THNSL1: variants seen among roughly 807,000 people sequenced by gnomAD.
The protein encoded by THNSL1 is threonine synthase like 1.
In THNSL1, 48 loss-of-function variants were observed where a neutral mutation model predicts 50.4. The ratio of observed to expected loss-of-function variants is 0.95; its 90% CI spans 0.76 to 1.21. The LOEUF (loss-of-function observed/expected upper bound fraction) is 1.21. THNSL1 is among the 50% of genes most tolerant of loss of function. The probability of loss-of-function intolerance (pLI) is 0.00; values close to 1 mark genes in which losing one functional copy is unlikely to be tolerated. For synonymous variants in THNSL1, 309 were observed against 306.1 expected (o/e 1.01, Z -0.10); for missense variants, 896 against 871.7 (o/e 1.03, Z -0.35).
the THNSL1 span, among the ~76,000 whole-genome samples, chr10:25,003,794 A>T: frequency 2.6e-5 from 4 of 152,094 alleles, no homozygotes; most frequent in Admixed American, 2.0e-4. Context: ...CCTAGTACTC[A>T]TTACTTGTTT....
the THNSL1 span, among the ~76,000 whole-genome samples, chr10:24,959,352 A>C: frequency 1.3e-5 from 2 of 152,216 alleles, no homozygotes; most frequent in Non-Finnish European, 2.9e-5. Context: ...AGTGATTGCC[A>C]GGTTATGGGT....
the THNSL1 span, among the ~76,000 whole-genome samples, chr10:24,955,587 G>C: frequency 6.6e-6 from 1 of 152,164 alleles, no homozygotes; most frequent in East Asian, 1.9e-4. Flanking sequence ...CTGACATGCT[G>C]TAAAAATGTA....
At chr10:24,996,240 C>A in the THNSL1 span, among the ~76,000 whole-genome samples, 1 of 152,146 alleles carries the variant, frequency 6.6e-6, no homozygotes, top group Non-Finnish European at 1.5e-5. Context: ...CTCGGCAACA[C>A]AGTGAAACCC....
At chr10:24,954,213 C>T in the THNSL1 span, among the ~76,000 whole-genome samples, 2 of 152,216 alleles carry the variant, frequency 1.3e-5, no homozygotes, top group Admixed American at 1.3e-4. Context: ...CTTTAGAGTT[C>T]ACAAGACTCT....
chr10:25,010,378 A>G, the THNSL1 span, among the ~76,000 whole-genome samples: 11 of 152,278 alleles, frequency 7.2e-5, no homozygotes, highest in East Asian at 1.7e-3. Context: ...AGGTGACTTG[A>G]GTAGTGTTAA....
chr10:25,024,060 G>T lies in THNSL1; in HGVS notation c.837G>T (p.Glu279Asp). The change falls in exon 3 of 3, where the codon GAG becomes GAT. Residue 279 changes from glutamate to aspartate, a missense_variant. Glu to Asp is a conservative substitution (Grantham distance 45). Transcript: ENST00000376356. ...AGTTTCCAAAATTAAGCTGCGGGGAGTGGAAAAGCCTAGTAGGAGCAACCT... is the reference window on the plus strand; with the variant it reads ...AGTTTCCAAAATTAAGCTGCGGGGATTGGAAAAGCCTAGTAGGAGCAACCT... ...AKEFPKLSCG[E>D]WKSLVGATYV... The T allele has an allele frequency of 1.2e-6, 2 of 1,614,190 alleles. No individual in the cohort carries two copies. Among genetic ancestry groups the T allele is most frequent in the Non-Finnish European group, 1.7e-6 (2 of 1,180,016 alleles).
intron 1 of THNSL1, among the ~76,000 whole-genome samples, 179 bp from the exon 2 acceptor site, chr10:25,021,563 A>G (rs1259329551): frequency 6.6e-6 from 1 of 152,208 alleles, no homozygotes; most frequent in Non-Finnish European, 1.5e-5. Flanking sequence ...TGAGACACAC[A>G]TGTTTAAAAA....
upstream of THNSL1, among the ~76,000 whole-genome samples, chr10:25,015,706 C>A (rs1850552624): frequency 6.6e-6 from 1 of 152,184 alleles, no homozygotes; most frequent in African/African-American, 2.4e-5. Flanking sequence ...CTAGATATTT[C>A]GACCTTTTCT....
At chr10:24,995,670 T>C in the THNSL1 span, 3 of 1,613,272 alleles carry the variant, frequency 1.9e-6, no homozygotes, top group South Asian at 2.2e-5. Context: ...ACTTTGGAAC[T>C]AGTCCTGAAG....
chr10:24,979,832 A>C, the THNSL1 span, among the ~76,000 whole-genome samples: 40 of 152,314 alleles, frequency 2.6e-4, no homozygotes, highest in East Asian at 7.5e-3. Flanking sequence ...ATCTTCTCTT[A>C]AACTGCTCCT....
In THNSL1 at chr10:25,023,921, C is replaced by G. The variant is rs1326236753; in HGVS notation, c.698C>G (p.Ser233Ter). The G allele has an allele frequency of 1.2e-6, 2 of 1,614,044 alleles. No homozygotes were observed. Among genetic ancestry groups the G allele is most frequent in the Non-Finnish European group, 1.7e-6 (2 of 1,180,020 alleles). The stretch of plus-strand genomic sequence containing the variant: ...GATGTGGACTCGGAAACATTCATTT[C>G]AACAAGACACGTTTGGCCTGAAGAC... The part of the protein sequence containing the change: ...YQDVDSETFI[S>*]TRHVWPEDCE... The change falls in exon 3 of 3, where the codon TCA becomes TGA. Residue 233 changes from serine to a stop codon, truncating the protein, a stop_gained. Coordinates refer to ENST00000376356, the MANE Select transcript of THNSL1 (RefSeq NM_024838.5). LOFTEE classifies it high-confidence loss of function.
chr10:24,962,886 C>G, the THNSL1 span, among the ~76,000 whole-genome samples: 2 of 152,320 alleles, frequency 1.3e-5, no homozygotes, highest in Non-Finnish European at 2.9e-5. Flanking sequence ...TCATATCAAA[C>G]ACACAAAGCA....
the THNSL1 span, chr10:24,995,682 C>A: frequency 6.2e-7 from 1 of 1,613,974 alleles, no homozygotes; most frequent in Non-Finnish European, 8.5e-7. Context: ...GTCCTGAAGG[C>A]TCAAGATCAT....
At chr10:24,977,322 T>A in the THNSL1 span, among the ~76,000 whole-genome samples, 5 of 152,352 alleles carry the variant, frequency 3.3e-5, no homozygotes, top group South Asian at 2.1e-4. Context: ...TTGGTCATAG[T>A]GGTTGCTTAT....
rs1162323540 is a variant in THNSL1 at position 25,025,437 on chromosome 10, C to T, written c.2214C>T (p.Val738=). 2 of 1,602,718 alleles carry T rather than the reference C, an allele frequency of 1.2e-6. No individual in the cohort carries two copies. The highest frequency in any genetic ancestry group is 3.3e-4 in the Middle Eastern group (2 of 5,990). Residue 738 remains valine (V), a synonymous_variant, in exon 3 of 3, where the codon GTC becomes GTT. Coordinates refer to ENST00000376356, the MANE Select transcript of THNSL1 (RefSeq NM_024838.5). ...TGAAGAGTCATGTGGAACAACTTGT[C>T]CAAAATCAATTCATATGAAAGCTTT... ...NVLKSHVEQL[V]QNQFI
the THNSL1 span, among the ~76,000 whole-genome samples, chr10:24,987,867 C>T: frequency 6.6e-6 from 1 of 152,150 alleles, no homozygotes; most frequent in Non-Finnish European, 1.5e-5. Context: ...CAGTATCCCT[C>T]TGGCTGGAAC....
the THNSL1 span, chr10:24,999,439 A>C: frequency 6.2e-7 from 1 of 1,612,344 alleles, no homozygotes; most frequent in Non-Finnish European, 8.5e-7. Flanking sequence ...TTTCTTTAGG[A>C]AATCCTTTGG....
At chr10:24,984,340 T>C in the THNSL1 span, 24 of 1,590,438 alleles carry the variant, frequency 1.5e-5, no homozygotes, top group Non-Finnish European at 2.1e-5. Flanking sequence ...TTCAAAATAC[T>C]TAACAGTTTT....
the THNSL1 span, among the ~76,000 whole-genome samples, chr10:24,975,144 G>T: frequency 6.6e-6 from 1 of 151,962 alleles, no homozygotes; most frequent in African/African-American, 2.4e-5. Flanking sequence ...TTGAGCCATC[G>T]AGCTTATTCA....
Sources: gnomAD v4.1 joint callset for allele counts (sites outside exome capture counted in the v4.1 genomes callset) on GRCh38, gnomAD v4.1.1 for gene constraint, MANE v1.5 for transcripts, NCBI Gene and HGNC (gene_info 2026-07-23, HGNC 2026-07-21) for gene names.